CAST: variants seen among roughly 807,000 people sequenced by gnomAD.
CAST encodes calpastatin.
A neutral mutation model predicts 119.6 loss-of-function variants in CAST; 76 were observed. The observed-to-expected ratio is 0.64, with a 90% CI of 0.53 to 0.77. CAST has a LOEUF of 0.77. CAST is among the 30% of genes least tolerant of loss of function. CAST has a pLI of 0.00. For synonymous variants in CAST, 319 were observed against 331.6 expected, an observed-to-expected ratio of 0.96 and a Z score of 0.41; for missense variants, 953 against 946.5, an observed-to-expected ratio of 1.01 and a Z score of -0.09.
the CAST span, among the ~76,000 whole-genome samples, chr5:96,216,741 C>A: frequency 6.6e-6 from 1 of 152,164 alleles, no homozygotes; most frequent in Non-Finnish European, 1.5e-5. Context: ...TCATTAGCAT[C>A]AAATGCTGAC....
chr5:96,403,833 T>C, the CAST span, among the ~76,000 whole-genome samples: 5 of 152,228 alleles, frequency 3.3e-5, no homozygotes, highest in Non-Finnish European at 7.3e-5. Context: ...CAAGACTTTT[T>C]TGTTGTGATT....
the CAST span, among the ~76,000 whole-genome samples, chr5:96,406,153 A>C: frequency 6.6e-6 from 1 of 151,036 alleles, no homozygotes; most frequent in Non-Finnish European, 1.5e-5. Context: ...AGAAGTTTGT[A>C]AAAAAAGGTC....
In CAST at chr5:96,730,765, T is replaced by C; in HGVS notation, c.550-15T>C. On this transcript the variant is annotated splice_polypyrimidine_tract_variant and intron_variant, in intron 8 of 31. Coordinates refer to ENST00000675179, the MANE Select transcript of CAST (RefSeq NM_001750.7). ...GATACTTAGCTCTGTCAACCTTTTA[T>C]CCTCACTGTCTTAGACTAAACCACA... The C allele has an allele frequency of 6.2e-7, 1 of 1,602,010 alleles. No homozygotes were observed. Among genetic ancestry groups the C allele is most frequent in the Non-Finnish European group, 8.6e-7 (1 of 1,168,936 alleles).
At chr5:96,292,310 G>A in the CAST span, among the ~76,000 whole-genome samples, 5 of 152,158 alleles carry the variant, frequency 3.3e-5, no homozygotes, top group African/African-American at 9.7e-5. Context: ...TTAGGACTCC[G>A]TTTCCAATAA....
chr5:96,516,780 A>G, the CAST span, among the ~76,000 whole-genome samples: 1 of 152,178 alleles, frequency 6.6e-6, no homozygotes, highest in Admixed American at 6.5e-5. Context: ...TACTTCTAAC[A>G]TGCATTTGTA....
the CAST span, among the ~76,000 whole-genome samples, chr5:96,462,747 T>C: frequency 6.6e-6 from 1 of 152,118 alleles, no homozygotes; most frequent in African/African-American, 2.4e-5. Flanking sequence ...TCCCCATGTG[T>C]CAAGGGACAA....
At chr5:96,408,162 G>A in the CAST span, 15 of 1,193,174 alleles carry the variant, frequency 1.3e-5, no homozygotes, top group South Asian at 5.1e-5. Flanking sequence ...AAAAAAAAGT[G>A]TTATTAAAAA....
the CAST span, among the ~76,000 whole-genome samples, chr5:96,200,164 C>G: frequency 6.6e-6 from 1 of 152,090 alleles, no homozygotes; most frequent in African/African-American, 2.4e-5. Flanking sequence ...TGCATGATAC[C>G]TGTACCCCAA....
At chr5:96,372,354 A>G in the CAST span, among the ~76,000 whole-genome samples, 1 of 152,062 alleles carries the variant, frequency 6.6e-6, no homozygotes, top group Non-Finnish European at 1.5e-5. Context: ...AGTTATACCC[A>G]TGACCTTCAG....
At chr5:96,058,593 T>A in the CAST span, among the ~76,000 whole-genome samples, 3 of 136,994 alleles carry the variant, frequency 2.2e-5, no homozygotes, top group Non-Finnish European at 5.2e-5. Flanking sequence ...GTCACTGTAG[T>A]TGGCTAGTAA....
the CAST span, among the ~76,000 whole-genome samples, chr5:96,307,336 T>C: frequency 1.3e-5 from 2 of 152,228 alleles, no homozygotes; most frequent in Admixed American, 6.5e-5. Flanking sequence ...ATTTTGAGCC[T>C]ATGTGTGTCT....
At chr5:96,300,908 C>A in the CAST span, among the ~76,000 whole-genome samples, 1 of 136,048 alleles carries the variant, frequency 7.4e-6, no homozygotes, top group African/African-American at 2.8e-5. Context: ...GGAAAGTTCA[C>A]GTTAATATAG....
At chr5:96,377,825 C>T in the CAST span, among the ~76,000 whole-genome samples, 3 of 151,976 alleles carry the variant, frequency 2.0e-5, no homozygotes, top group African/African-American at 7.2e-5. Flanking sequence ...AATACATTTC[C>T]AAATCAATGA....
chr5:96,130,961 T>C, the CAST span, among the ~76,000 whole-genome samples: 1 of 152,140 alleles, frequency 6.6e-6, no homozygotes, highest in South Asian at 2.1e-4. Context: ...TTACAAAGTA[T>C]GAATAATATC....
the CAST span, among the ~76,000 whole-genome samples, chr5:96,268,704 C>T: frequency 6.6e-6 from 1 of 152,162 alleles, no homozygotes; most frequent in Non-Finnish European, 1.5e-5. Context: ...TCTTTAAAGA[C>T]CACATATAGA....
chr5:96,700,460 A>C (rs2045383), intron 3 of CAST, among the ~76,000 whole-genome samples: 2,614 of 152,256 alleles, frequency 0.017, 69 homozygotes, highest in African/African-American at 0.061. Flanking sequence ...CTCACCTTTT[A>C]ATGTACATAA....
At chr5:96,630,695 A>T (rs898186647) in intron 1 of CAST, among the ~76,000 whole-genome samples, 12 of 152,240 alleles carry the variant, frequency 7.9e-5, no homozygotes, top group African/African-American at 2.9e-4. Context: ...CTGAGGTGGG[A>T]GGATTGCTTG....
At chr5:96,389,746 G>C in the CAST span, among the ~76,000 whole-genome samples, 2 of 152,162 alleles carry the variant, frequency 1.3e-5, no homozygotes, top group South Asian at 4.1e-4. Context: ...GACCAGCCTG[G>C]GCAACATGAC....
At chr5:96,772,617 A>AT (rs1355478097) in intron 31 of CAST, 23 bp from the exon 32 acceptor site, 1 of 152,684 alleles carries the variant, frequency 6.5e-6, no homozygotes, top group Non-Finnish European at 1.5e-5. Context: ...GATTCACTGC[A>AT]TTTTTTATTT....
Sources: allele counts gnomAD v4.1 joint callset (sites outside exome capture counted in the v4.1 genomes callset), GRCh38; gene constraint gnomAD v4.1.1; transcripts MANE v1.5; gene names NCBI Gene and HGNC (gene_info 2026-07-23, HGNC 2026-07-21).